The following NAALADL2 variants were observed in gnomAD, a reference collection of about 807,000 sequenced individuals.
NAALADL2 encodes N-acetylated alpha-linked acidic dipeptidase like 2.
Under a neutral mutation model 87.2 loss-of-function variants are expected in NAALADL2, and 76 were observed. That is an observed-to-expected ratio of 0.87 (90% CI 0.72 to 1.05). The LOEUF is 1.05. Among genes scored for constraint, NAALADL2 ranks in the 50% least tolerant of loss-of-function variants. The pLI, the probability that NAALADL2 is intolerant of heterozygous loss-of-function variation, is 0.00. For missense variants in NAALADL2, 1,089 were observed against 945.8 expected, an observed-to-expected ratio of 1.15 and a Z score of -1.99; for synonymous variants, 354 against 331.0, an observed-to-expected ratio of 1.07 and a Z score of -0.75.
chr3:175,456,546 C>CG (rs1179843523), intron 6 of NAALADL2, among the ~76,000 whole-genome samples: 5 of 152,006 alleles, frequency 3.3e-5, no homozygotes, highest in Admixed American at 3.3e-4. Context: ...CAACTTTCAA[C>CG]GGTGAATTTT....
chr3:174,775,821 A>G (rs1715141354), intron 3 of NAALADL2, among the ~76,000 whole-genome samples: 1 of 152,146 alleles, frequency 6.6e-6, no homozygotes, highest in Non-Finnish European at 1.5e-5. Flanking sequence ...AGAACCAGAT[A>G]AAGTTATCAG....
intron 1 of NAALADL2, among the ~76,000 whole-genome samples, chr3:174,973,424 G>A (rs544366969): frequency 6.6e-6 from 1 of 152,222 alleles, no homozygotes; most frequent in East Asian, 1.9e-4. Context: ...TGAGTTGCAT[G>A]TGTTTATATC....
chr3:175,358,956 A>G (rs1003420159), intron 5 of NAALADL2, among the ~76,000 whole-genome samples: 2 of 152,140 alleles, frequency 1.3e-5, no homozygotes, highest in African/African-American at 4.8e-5. Flanking sequence ...GGACTGTGAA[A>G]ATGACAAGCC....
At chr3:175,441,283 A>G (rs1719708544) in intron 5 of NAALADL2, among the ~76,000 whole-genome samples, 1 of 152,178 alleles carries the variant, frequency 6.6e-6, no homozygotes, top group Non-Finnish European at 1.5e-5. Flanking sequence ...AATGATATGT[A>G]GGCATTGTAT....
intron 2 of NAALADL2, among the ~76,000 whole-genome samples, chr3:175,179,724 G>A (rs937845365): frequency 6.6e-6 from 1 of 151,760 alleles, no homozygotes; most frequent in Non-Finnish European, 1.5e-5. Flanking sequence ...GAGGATTGCT[G>A]GCTTTTTAAA....
At chr3:175,485,033 T>C (rs1338280076) in intron 9 of NAALADL2, among the ~76,000 whole-genome samples, 1 of 152,150 alleles carries the variant, frequency 6.6e-6, no homozygotes, top group Non-Finnish European at 1.5e-5. Context: ...GATTTGTATA[T>C]GAATGTATAT....
chr3:175,803,420 G>T lies in NAALADL2; in HGVS notation c.*217G>T. On this transcript the variant is annotated 3_prime_UTR_variant, in exon 14 of 14. Transcript: ENST00000454872. ...CTACATTTCTGAATATGTAAAGCAA[G>T]TTATTGAAATAGGACTTAAGAATTA... is the stretch of plus-strand genomic sequence containing the variant. 1 of 344,134 alleles carries T rather than the reference G, an allele frequency of 2.9e-6. No individual in the cohort carries two copies. The highest frequency in any genetic ancestry group is 4.7e-5 in the East Asian group (1 of 21,240). The allele number at this position is 344,134 out of a possible 1,614,324, so 21.3% of individuals were successfully genotyped here. A position where few individuals can be genotyped will look rare whatever the true frequency, so the allele number is the denominator to read the frequency against.
At chr3:174,649,880 T>C (rs575379772) in intron 2 of NAALADL2, among the ~76,000 whole-genome samples, 1 of 152,244 alleles carries the variant, frequency 6.6e-6, no homozygotes, top group East Asian at 1.9e-4. Context: ...AAAATCTTTT[T>C]ATATCTCTGT....
chr3:174,930,737 T>C lies in NAALADL2; in HGVS notation c.43+71287T>C, dbSNP rs1736764447. Among the ~76,000 whole-genome samples, 3 of 148,394 alleles carry C rather than the reference T, an allele frequency of 2.0e-5. No homozygotes were observed. In the South Asian group the frequency reaches 6.6e-4, roughly 33 times the overall value. Reference sequence around the variant, plus strand: ...CCCAGGTTCTCACCATTCTCCTGCCTCAGCCTCCCAAATAGCTGGGACTAC... The same window carrying C: ...CCCAGGTTCTCACCATTCTCCTGCCCCAGCCTCCCAAATAGCTGGGACTAC... On this transcript the variant is annotated intron_variant, in intron 1 of 13. Coordinates refer to ENST00000454872, the MANE Select transcript of NAALADL2 (RefSeq NM_207015.3).
rs576400361 is a variant in NAALADL2 at position 175,097,633 on chromosome 3, A to G, written c.545+342A>G. On this transcript the variant is annotated intron_variant, in intron 2 of 13. Coordinates refer to ENST00000454872, the MANE Select transcript of NAALADL2 (RefSeq NM_207015.3). ...AGATATACAGGTAATAAAAACTAGG[A>G]CATTAGCCATATGATTAAAAACTTT... Among the ~76,000 whole-genome samples, 17 of 152,260 alleles carry G rather than the reference A, an allele frequency of 1.1e-4. 1 individual carries two copies. The South Asian group carries it at 3.5e-3, about 32-fold the overall frequency.
chr3:175,744,083 T>C (rs1050241849), intron 12 of NAALADL2, among the ~76,000 whole-genome samples: 4 of 152,096 alleles, frequency 2.6e-5, no homozygotes, highest in Admixed American at 6.5e-5. Context: ...GTGATATCAT[T>C]AGGGGAGAAC....
chr3:174,920,194 G>A (rs1734964498), intron 1 of NAALADL2, among the ~76,000 whole-genome samples: 1 of 152,182 alleles, frequency 6.6e-6, no homozygotes, highest in Non-Finnish European at 1.5e-5. Context: ...TAACAGAAGA[G>A]TCAGACTGTC....
intron 2 of NAALADL2, among the ~76,000 whole-genome samples, chr3:175,123,295 C>A (rs1044864877): frequency 6.6e-6 from 1 of 151,870 alleles, no homozygotes; most frequent in Non-Finnish European, 1.5e-5. Context: ...TTGAACTAAG[C>A]AATGACTAAT....
intron 2 of NAALADL2, among the ~76,000 whole-genome samples, chr3:174,708,032 A>G (rs1730264057): frequency 6.6e-6 from 1 of 152,148 alleles, no homozygotes; most frequent in Non-Finnish European, 1.5e-5. Flanking sequence ...TACAAAAAAA[A>G]TCTCTAGCTT....
intron 5 of NAALADL2, among the ~76,000 whole-genome samples, chr3:175,443,889 G>A (rs1055400074): frequency 1.3e-5 from 2 of 152,162 alleles, no homozygotes; most frequent in Non-Finnish European, 2.9e-5. Context: ...ACAGAGCTGA[G>A]GTTGCCAGAG....
At chr3:175,460,708 A>G (rs544948870) in intron 6 of NAALADL2, among the ~76,000 whole-genome samples, 1 of 152,210 alleles carries the variant, frequency 6.6e-6, no homozygotes, top group South Asian at 2.1e-4. Context: ...GAAGTAAGCA[A>G]AAGAGTTGGT....
chr3:174,885,438 T>C (rs1184571437), intron 1 of NAALADL2, among the ~76,000 whole-genome samples: 3 of 152,190 alleles, frequency 2.0e-5, no homozygotes, highest in African/African-American at 7.2e-5. Flanking sequence ...AGCTTCATTA[T>C]GTTCCTTGGT....
intron 2 of NAALADL2, among the ~76,000 whole-genome samples, chr3:174,693,567 A>C (rs986109841): frequency 2.0e-5 from 3 of 152,168 alleles, no homozygotes; most frequent in Non-Finnish European, 4.4e-5. Context: ...TATGTTGAAA[A>C]GGCTTTTGTA....
At chr3:174,503,802 T>C (rs926888710) in intron 1 of NAALADL2, among the ~76,000 whole-genome samples, 11 of 152,122 alleles carry the variant, frequency 7.2e-5, no homozygotes, top group African/African-American at 2.7e-4. Context: ...ATTTTACAGA[T>C]ACAAAAAGAT....
Sources: allele counts gnomAD v4.1 joint callset (sites outside exome capture counted in the v4.1 genomes callset), GRCh38; gene constraint gnomAD v4.1.1; transcripts MANE v1.5; gene names NCBI Gene and HGNC (gene_info 2026-07-23, HGNC 2026-07-21).